Variants in SNX29 observed in about 807,000 individuals in gnomAD.
SNX29 encodes the protein sorting nexin 29.
A neutral mutation model predicts 102.1 loss-of-function variants in SNX29; 78 were observed. The ratio of observed to expected loss-of-function variants is 0.76; its 90% CI spans 0.64 to 0.92. The LOEUF is 0.92. SNX29 is among the 40% of genes least tolerant of loss of function. The pLI, the probability that SNX29 is intolerant of heterozygous loss-of-function variation, is 0.00. For missense variants in SNX29, 1,280 were observed against 1,061.7 expected (o/e 1.21, Z -2.86); for synonymous variants, 580 against 414.5 (o/e 1.40, Z -4.85).
chr16:12,552,705 T>C (rs1447523772), intron 20 of SNX29, among the ~76,000 whole-genome samples: 4 of 152,004 alleles, frequency 2.6e-5, no homozygotes, highest in East Asian at 1.9e-4. Flanking sequence ...AAGATTTAGA[T>C]TGGGGGACTG....
intron 3 of SNX29, among the ~76,000 whole-genome samples, chr16:12,019,785 T>G (rs2056965888): frequency 6.6e-6 from 1 of 151,820 alleles, no homozygotes; most frequent in South Asian, 2.1e-4. Context: ...TACAGGCACG[T>G]ACCACCACAC....
intron 13 of SNX29, among the ~76,000 whole-genome samples, chr16:12,149,029 G>C (rs1205162209): frequency 6.6e-6 from 1 of 152,160 alleles, no homozygotes; most frequent in Non-Finnish European, 1.5e-5. Context: ...TTCACCGATA[G>C]ATCTATTCCA....
In SNX29 at chr16:12,550,631, C is replaced by T. The variant is rs542559204; in HGVS notation, c.2319-17875C>T. On this transcript the variant is annotated intron_variant, in intron 20 of 20. Transcript: ENST00000566228. ...TGTAATGTATACCTGTAGAAAGACA[C>T]ATTAAAAAGTAACCGTCACTTAGTG... is the stretch of plus-strand genomic sequence containing the variant. Among the ~76,000 whole-genome samples, 7 of 151,798 alleles carry T rather than the reference C, an allele frequency of 4.6e-5. 1 individual carries two copies. The South Asian group carries it at 1.1e-3, about 23-fold the overall frequency.
intron 15 of SNX29, among the ~76,000 whole-genome samples, chr16:12,329,146 G>A (rs1319032603): frequency 2.0e-5 from 3 of 151,614 alleles, no homozygotes; most frequent in Non-Finnish European, 4.4e-5. Flanking sequence ...GCATGGTGGT[G>A]CGTACCTGTG....
chr16:12,242,438 A>G (rs2078135141), intron 14 of SNX29, among the ~76,000 whole-genome samples: 1 of 149,462 alleles, frequency 6.7e-6, no homozygotes, highest in Non-Finnish European at 1.5e-5. Context: ...CTTGATGTTC[A>G]TAGTCCACTT....
At chr16:12,061,442 C>A in intron 8 of SNX29, 86 bp from the exon 9 acceptor site, 1 of 1,141,720 alleles carries the variant, frequency 8.8e-7, no homozygotes, top group Non-Finnish European at 1.3e-6. Flanking sequence ...GGTTAGTTCT[C>A]AGGAGGGTGC....
chr16:12,543,358 A>AC (rs1482078361), intron 20 of SNX29, among the ~76,000 whole-genome samples: 1 of 152,126 alleles, frequency 6.6e-6, no homozygotes, highest in African/African-American at 2.4e-5. Flanking sequence ...TGTTCAGCCC[A>AC]CCTAAGCTCA....
intron 15 of SNX29, among the ~76,000 whole-genome samples, chr16:12,279,771 C>G (rs1345925865): frequency 6.6e-6 from 1 of 152,174 alleles, no homozygotes; most frequent in Non-Finnish European, 1.5e-5. Context: ...TTTAAGTTCT[C>G]CTGGGATGGG....
intron 15 of SNX29, among the ~76,000 whole-genome samples, chr16:12,289,596 T>C (rs2079725351): frequency 6.6e-6 from 1 of 152,198 alleles, no homozygotes; most frequent in Admixed American, 6.5e-5. Context: ...CATTTCCAGT[T>C]GTGCCTCTGA....
intron 20 of SNX29, among the ~76,000 whole-genome samples, chr16:12,564,282 A>C (rs1003842774): frequency 6.6e-6 from 1 of 152,192 alleles, no homozygotes; most frequent in African/African-American, 2.4e-5. Context: ...CTACCAGTAA[A>C]AGTTCCTATG....
rs559329907 is a variant in SNX29 at position 12,353,088 on chromosome 16, T to G, written c.1783-3075T>G. On this transcript the variant is annotated intron_variant, in intron 15 of 20. Transcript: ENST00000566228. The stretch of plus-strand genomic sequence containing the variant: ...GAGGGGTGGGCCTTCCCTGACACCC[T>G]GTCTTCTCTCCGAGTCACTCTAGCA... Among the ~76,000 whole-genome samples the G allele has an allele frequency of 8.5e-5, 13 of 152,300 alleles. No homozygotes were observed. In the South Asian group the frequency reaches 2.7e-3, roughly 32 times the overall value.
chr16:12,341,437 A>G (rs2081606847), intron 15 of SNX29, among the ~76,000 whole-genome samples: 1 of 152,236 alleles, frequency 6.6e-6, no homozygotes, highest in African/African-American at 2.4e-5. Flanking sequence ...AGAGCTAGGA[A>G]GATACAGGGT....
chr16:12,210,359 G>C (rs1396457347), intron 14 of SNX29, among the ~76,000 whole-genome samples: 1 of 148,906 alleles, frequency 6.7e-6, no homozygotes, highest in African/African-American at 2.5e-5. Flanking sequence ...ACAGGGTCTT[G>C]CTGTGTTGCC....
intron 14 of SNX29, among the ~76,000 whole-genome samples, chr16:12,213,304 A>G (rs923531889): frequency 5.9e-5 from 9 of 152,112 alleles, no homozygotes; most frequent in African/African-American, 2.2e-4. Context: ...ATATAGAGAA[A>G]CATAAGGGAC....
At chr16:12,006,631 T>G (rs2056463621) in intron 3 of SNX29, among the ~76,000 whole-genome samples, 1 of 152,122 alleles carries the variant, frequency 6.6e-6, no homozygotes, top group Non-Finnish European at 1.5e-5. Flanking sequence ...CCCTTTCTTT[T>G]TTTTTTTGAG....
At chr16:12,127,882 G>A (rs1424425476) in intron 12 of SNX29, among the ~76,000 whole-genome samples, 3 of 152,132 alleles carry the variant, frequency 2.0e-5, no homozygotes, top group Non-Finnish European at 4.4e-5. Context: ...TGGTCATAGA[G>A]GGCTTACCTG....
At position 12,236,677 on chromosome 16, in the gene SNX29, G is replaced by T. The variant is rs115564320; in HGVS notation, c.1678+36994G>T. ...AACCAGCCACAGGCTACCACTGATT[G>T]AAGACTCCCTATGTGCCAGGTACCA... is the stretch of plus-strand genomic sequence containing the variant. On this transcript the variant is annotated intron_variant, in intron 14 of 20. Coordinates refer to ENST00000566228, the MANE Select transcript of SNX29 (RefSeq NM_032167.5). Among the ~76,000 whole-genome samples the T allele has an allele frequency of 8.0e-3, 1,221 of 152,286 alleles. 22 individuals carry two copies. The highest frequency in any genetic ancestry group is 0.028 in the African/African-American group (1,160 of 41,552).
intron 16 of SNX29, among the ~76,000 whole-genome samples, chr16:12,393,716 A>C (rs567290975): frequency 6.6e-6 from 1 of 152,276 alleles, no homozygotes; most frequent in Non-Finnish European, 1.5e-5. Context: ...AGAGAGGCTG[A>C]GGAAGAGGAG....
At chr16:12,216,179 A>G (rs910371060) in intron 14 of SNX29, among the ~76,000 whole-genome samples, 1 of 152,258 alleles carries the variant, frequency 6.6e-6, no homozygotes, top group African/African-American at 2.4e-5. Context: ...GATAGACACA[A>G]GAGAAAAAGG....
Sources: allele counts gnomAD v4.1 joint callset (sites outside exome capture counted in the v4.1 genomes callset), GRCh38; gene constraint gnomAD v4.1.1; transcripts MANE v1.5; gene names NCBI Gene and HGNC (gene_info 2026-07-23, HGNC 2026-07-21).